The following AGAP1 variants were observed in gnomAD, a reference collection of about 807,000 sequenced individuals.
AGAP1 encodes the protein arf-GAP with GTPase, ANK repeat and PH domain-containing protein 1.
Under a neutral mutation model 105.3 loss-of-function variants are expected in AGAP1, and 29 were observed. That is an observed-to-expected ratio of 0.28 (90% CI 0.21 to 0.38). AGAP1 has a LOEUF of 0.38. AGAP1 is among the 10% of genes least tolerant of loss of function. The probability of loss-of-function intolerance (pLI) is 1.00; values close to 1 mark genes in which losing one functional copy is unlikely to be tolerated. For synonymous variants in AGAP1, 509 were observed against 485.9 expected, an observed-to-expected ratio of 1.05 and a Z score of -0.63; for missense variants, 998 against 1,165.1, an observed-to-expected ratio of 0.86 and a Z score of 2.09.
rs950273483 is a variant in AGAP1 at position 235,586,204 on chromosome 2, A to C, written c.163+91355A>C. 6.6e-6 allele frequency among the ~76,000 whole-genome samples: 1 copy of C among 152,212 alleles called. No homozygotes were observed. Among genetic ancestry groups the C allele is most frequent in the African/African-American group, 2.4e-5 (1 of 41,468 alleles). On this transcript the variant is annotated intron_variant, in intron 1 of 17. Transcript: ENST00000304032. This position sits in a 1 kb window ranked among gnomAD's most constrained non-coding sequence, Gnocchi z 4.2. ...CCTTGTGTGTGTGCGCATACACACAAAGAGGGTGAGCCCTCAGCCCGCCAT... is the reference window on the plus strand; with the variant it reads ...CCTTGTGTGTGTGCGCATACACACACAGAGGGTGAGCCCTCAGCCCGCCAT...
At chr2:236,032,362 A>G (rs1312071577) in intron 13 of AGAP1, among the ~76,000 whole-genome samples, 4 of 152,208 alleles carry the variant, frequency 2.6e-5, no homozygotes, top group South Asian at 2.1e-4. Context: ...TCACCCTGAT[A>G]AAAGCCTTGC....
intron 1 of AGAP1, among the ~76,000 whole-genome samples, chr2:235,652,016 T>G (rs1335623324): frequency 6.6e-6 from 1 of 152,154 alleles, no homozygotes; most frequent in African/African-American, 2.4e-5. Flanking sequence ...TTTTGAACGC[T>G]CGACTTTTTT....
At position 236,091,833 on chromosome 2, in the gene AGAP1, G is replaced by A. The variant is rs200350556; in HGVS notation, c.2115-28359G>A. Among the ~76,000 whole-genome samples the A allele has an allele frequency of 8.5e-5, 13 of 152,280 alleles. No individual in the cohort carries two copies. In the East Asian group the frequency reaches 2.5e-3, roughly 29 times the overall value. ...CCTGTATGTGAATGTTCTTAGTGGCGTTGTTCGTAAGAGCCCAAAACCAGA... is the reference window on the plus strand; with the variant it reads ...CCTGTATGTGAATGTTCTTAGTGGCATTGTTCGTAAGAGCCCAAAACCAGA... On this transcript the variant is annotated intron_variant, in intron 16 of 17. Transcript: ENST00000304032.
In AGAP1 at chr2:235,655,609, C is replaced by T. The variant is rs1040098673; in HGVS notation, c.164-53570C>T. ...TCTGATGAGTTAGTAGCTGTGAAAA[C>T]GTTTCTCTAGCAAGGCTGCCTGTGA... On this transcript the variant is annotated intron_variant, in intron 1 of 17. Transcript: ENST00000304032. This position sits in a 1 kb window ranked among gnomAD's most constrained non-coding sequence, Gnocchi z 4.3. Among the ~76,000 whole-genome samples, 2 of 152,166 alleles carry T rather than the reference C, an allele frequency of 1.3e-5. No homozygotes were observed. The highest frequency in any genetic ancestry group is 2.4e-5 in the African/African-American group (1 of 41,442).
intron 9 of AGAP1, among the ~76,000 whole-genome samples, chr2:235,828,113 C>T (rs1959166751): frequency 1.3e-5 from 2 of 152,206 alleles, no homozygotes; most frequent in Admixed American, 1.3e-4. Flanking sequence ...CAAATGTTTT[C>T]TGGCTTGTTC....
intron 6 of AGAP1, among the ~76,000 whole-genome samples, chr2:235,766,506 G>A (rs1954968148): frequency 1.3e-5 from 2 of 152,200 alleles, no homozygotes; most frequent in South Asian, 2.1e-4. Context: ...AGACCATTTA[G>A]ACCTGTAATA....
At position 235,994,758 on chromosome 2, in the gene AGAP1, T is replaced by C. The variant is rs2055718101; in HGVS notation, c.1645+26135T>C. Among the ~76,000 whole-genome samples, 2 of 151,732 alleles carry C rather than the reference T, an allele frequency of 1.3e-5. No homozygotes were observed. The highest frequency in any genetic ancestry group is 6.6e-5 in the Admixed American group (1 of 15,238). On this transcript the variant is annotated intron_variant, in intron 13 of 17. Coordinates refer to ENST00000304032, the MANE Select transcript of AGAP1 (RefSeq NM_001037131.3). This position sits in a 1 kb window ranked among gnomAD's most constrained non-coding sequence, Gnocchi z 4.4. ...AAGAGCATGATGAATTTCTTTCTTT[T>C]TTTTTTTTTAAACTAAAATTAGAAT...
intron 16 of AGAP1, among the ~76,000 whole-genome samples, chr2:236,079,769 C>T (rs1530933): frequency 1.3e-5 from 2 of 151,950 alleles, no homozygotes; most frequent in Admixed American, 6.6e-5. Flanking sequence ...GGAGGGAACC[C>T]CCATGCAAAG....
chr2:235,583,027 A>G (rs990060152), intron 1 of AGAP1, among the ~76,000 whole-genome samples: 1 of 152,178 alleles, frequency 6.6e-6, no homozygotes, highest in Non-Finnish European at 1.5e-5. Context: ...TAAACTGGCC[A>G]CTTTCAGACC....
chr2:236,017,820 A>G (rs191620828), intron 13 of AGAP1, among the ~76,000 whole-genome samples: 1 of 152,302 alleles, frequency 6.6e-6, no homozygotes, highest in Admixed American at 6.5e-5. Context: ...CCTGCCAGGT[A>G]GGTATCATGT....
At chr2:236,081,199 C>A (rs962660597) in intron 16 of AGAP1, among the ~76,000 whole-genome samples, 4 of 152,060 alleles carry the variant, frequency 2.6e-5, no homozygotes, top group African/African-American at 9.7e-5. Flanking sequence ...AAAACCACAT[C>A]GAATCGGGAA....
At chr2:235,679,832 TAAGA>T (rs1370703150) in intron 1 of AGAP1, among the ~76,000 whole-genome samples, 3 of 152,158 alleles carry the variant, frequency 2.0e-5, no homozygotes, top group African/African-American at 7.2e-5. Flanking sequence ...GTCTTCAGAG[TAAGA>T]AAGCACTGAC....
chr2:235,998,266 AAC>A (rs1204587720), intron 13 of AGAP1, among the ~76,000 whole-genome samples: 23 of 152,132 alleles, frequency 1.5e-4, no homozygotes, highest in Non-Finnish European at 3.1e-4. Context: ...ATGGGAGAAA[AAC>A]ATTTTGTATT....
Position 235,709,166 on chromosome 2 carries a change from T to C in AGAP1, c.164-13T>C. 6.2e-7 allele frequency: 1 copy of C among 1,614,014 alleles called. No individual in the cohort carries two copies. The highest frequency in any genetic ancestry group is 2.2e-5 in the East Asian group (1 of 44,864). The stretch of plus-strand genomic sequence containing the variant: ...AGTTATGGTGTCTGACTTTGTGTCC[T>C]CCTCTTTTTCAGATGCCTTCGTGAA... On this transcript the variant is annotated splice_polypyrimidine_tract_variant and intron_variant, in intron 1 of 17. Transcript: ENST00000304032.
At chr2:235,513,448 G>C (rs1421553991) in intron 1 of AGAP1, among the ~76,000 whole-genome samples, 1 of 146,986 alleles carries the variant, frequency 6.8e-6, no homozygotes, top group African/African-American at 2.5e-5. Flanking sequence ...TTGAACCCAG[G>C]AGGCAGAGGT....
chr2:235,513,240 C>CCGGGCGTGGGCG (rs1553555369), intron 1 of AGAP1, among the ~76,000 whole-genome samples: 11 of 151,376 alleles, frequency 7.3e-5, no homozygotes, highest in South Asian at 4.2e-4. Flanking sequence ...GATCACTGTG[C>CCGGGCGTGGGCG]CGGGCGCGGG....
chr2:235,602,982 G>A (rs760102329), intron 1 of AGAP1, among the ~76,000 whole-genome samples: 7 of 152,154 alleles, frequency 4.6e-5, no homozygotes, highest in South Asian at 2.1e-4. Flanking sequence ...GATTGCAGGC[G>A]TGAGCCACCG....
intron 1 of AGAP1, among the ~76,000 whole-genome samples, chr2:235,628,498 G>A (rs1946714847): frequency 6.6e-6 from 1 of 152,172 alleles, no homozygotes; most frequent in Admixed American, 6.5e-5. Flanking sequence ...TGAGCTCCAG[G>A]CAGAAGAACA....
At chr2:235,505,905 G>A (rs1941783238) in intron 1 of AGAP1, 1 of 150,854 alleles carries the variant, frequency 6.6e-6, no homozygotes, top group Non-Finnish European at 1.5e-5. Context: ...TTGGAGAGGG[G>A]AGTGCTTTTT....
Sources: allele counts gnomAD v4.1 joint callset (sites outside exome capture counted in the v4.1 genomes callset), GRCh38; gene constraint gnomAD v4.1.1; non-coding constraint Gnocchi (gnomAD v3.1); transcripts MANE v1.5; gene names NCBI Gene and HGNC (gene_info 2026-07-23, HGNC 2026-07-21).